Variants in RALYL observed in about 807,000 individuals in gnomAD.
The protein encoded by RALYL is RNA-binding Raly-like protein.
Under a neutral mutation model 35.1 loss-of-function variants are expected in RALYL, and 29 were observed. The ratio of observed to expected loss-of-function variants is 0.83; its 90% CI spans 0.61 to 1.13. The LOEUF is 1.13. Among genes scored for constraint, RALYL ranks in the 50% most tolerant of loss-of-function variants. The pLI is 0.00. For synonymous variants in RALYL, 120 were observed against 127.6 expected (o/e 0.94, Z 0.40); for missense variants, 359 against 360.4 (o/e 1.00, Z 0.03).
At chr8:84,318,320 A>G (rs1433694508) in intron 1 of RALYL, among the ~76,000 whole-genome samples, 1 of 152,196 alleles carries the variant, frequency 6.6e-6, no homozygotes, top group Non-Finnish European at 1.5e-5. Flanking sequence ...GAGGATCTAC[A>G]TCTTTAATAT....
intron 1 of RALYL, among the ~76,000 whole-genome samples, chr8:84,489,714 G>T (rs2055046513): frequency 6.6e-6 from 1 of 152,008 alleles, no homozygotes; most frequent in South Asian, 2.1e-4. Context: ...CAGTTGTCAG[G>T]CTGACTCTTG....
At chr8:84,353,886 T>C (rs936251445) in intron 1 of RALYL, among the ~76,000 whole-genome samples, 3 of 150,000 alleles carry the variant, frequency 2.0e-5, no homozygotes, top group Non-Finnish European at 4.4e-5. Flanking sequence ...AGCCATTATA[T>C]AACAAAAGGA....
chr8:84,856,524 T>G (rs1375193879), intron 5 of RALYL, among the ~76,000 whole-genome samples: 1 of 152,168 alleles, frequency 6.6e-6, no homozygotes, highest in African/African-American at 2.4e-5. Context: ...AGGAGAAAAC[T>G]TCACAGAAAA....
chr8:84,849,933 A>G, intron 4 of RALYL, 47 bp from the exon 5 acceptor site: 2 of 1,010,428 alleles, frequency 2.0e-6, no homozygotes, highest in South Asian at 3.6e-5. Flanking sequence ...AATAAAATTA[A>G]TGTCATTGAA....
At chr8:84,721,358 A>T (rs1843875468) in intron 2 of RALYL, among the ~76,000 whole-genome samples, 1 of 152,194 alleles carries the variant, frequency 6.6e-6, no homozygotes, top group Admixed American at 6.6e-5. Flanking sequence ...AGCACTGTTC[A>T]CAATGGCCCA....
At chr8:84,501,403 A>T (rs1587817793) in intron 1 of RALYL, among the ~76,000 whole-genome samples, 1 of 152,148 alleles carries the variant, frequency 6.6e-6, no homozygotes, top group South Asian at 2.1e-4. Context: ...ACACTTACAT[A>T]TGCACACAAT....
chr8:84,227,169 TCCTGCCTCAG>T, intron 1 of RALYL, among the ~76,000 whole-genome samples: 1 of 150,338 alleles, frequency 6.7e-6, no homozygotes, highest in South Asian at 2.1e-4. Context: ...CAAACGATTT[TCCTGCCTCAG>T]CCTCCTGAGT....
intron 2 of RALYL, among the ~76,000 whole-genome samples, chr8:84,602,030 CT>C (rs966474692): frequency 1.3e-5 from 2 of 152,054 alleles, no homozygotes; most frequent in African/African-American, 4.8e-5. Context: ...TTCTCACTGC[CT>C]TCAGCATTTG....
intron 1 of RALYL, among the ~76,000 whole-genome samples, chr8:84,195,069 A>G (rs991145292): frequency 3.9e-5 from 6 of 152,098 alleles, no homozygotes; most frequent in Admixed American, 6.6e-5. Context: ...CATGTTAAAA[A>G]CACACAATGC....
intron 8 of RALYL, among the ~76,000 whole-genome samples, chr8:84,908,733 C>A (rs73261925): frequency 0.049 from 7,392 of 152,116 alleles, 637 homozygotes; most frequent in African/African-American, 0.17. Flanking sequence ...ATATATTGGG[C>A]AGCCCTAGCA....
intron 2 of RALYL, among the ~76,000 whole-genome samples, chr8:84,561,952 C>G (rs543633909): frequency 6.6e-6 from 1 of 152,128 alleles, no homozygotes; most frequent in South Asian, 2.1e-4. Flanking sequence ...TCTAAGAACT[C>G]TTTTCAACCT....
At position 84,242,157 on chromosome 8, in the gene RALYL, C is replaced by G. The variant is rs2131578986; in HGVS notation, c.-24+57733C>G. Among the ~76,000 whole-genome samples the G allele has an allele frequency of 2.0e-5, 3 of 152,292 alleles. No individual in the cohort carries two copies. In the Middle Eastern group the frequency reaches 0.01, roughly 518 times the overall value. ...TGAAGATAATGGCTTCCAGTTCCAT[C>G]CATGTCCCTGCAACAGACACGGTCT... On this transcript the variant is annotated intron_variant, in intron 1 of 8. Coordinates refer to ENST00000521268, the MANE Select transcript of RALYL (RefSeq NM_173848.7).
At chr8:84,819,923 A>G (rs889952676) in intron 4 of RALYL, among the ~76,000 whole-genome samples, 1 of 152,200 alleles carries the variant, frequency 6.6e-6, no homozygotes, top group Admixed American at 6.5e-5. Context: ...CCAATATCAC[A>G]ATTCATATCA....
intron 1 of RALYL, among the ~76,000 whole-genome samples, chr8:84,506,857 A>T (rs1368064310): frequency 6.6e-6 from 1 of 152,038 alleles, no homozygotes; most frequent in African/African-American, 2.4e-5. Flanking sequence ...AATTTTCCAG[A>T]TAACAGATAT....
chr8:84,364,251 C>T (rs771720303), intron 1 of RALYL, among the ~76,000 whole-genome samples: 7 of 152,066 alleles, frequency 4.6e-5, no homozygotes, highest in Non-Finnish European at 7.4e-5. Context: ...ATAAATAGCT[C>T]GCTTTTCTTA....
intron 1 of RALYL, among the ~76,000 whole-genome samples, chr8:84,332,022 C>T (rs1342740718): frequency 6.6e-6 from 1 of 152,128 alleles, no homozygotes; most frequent in Non-Finnish European, 1.5e-5. Flanking sequence ...TTAACAACCC[C>T]ATCCTGCCAA....
intron 1 of RALYL, among the ~76,000 whole-genome samples, chr8:84,508,488 A>T (rs1193047748): frequency 1.3e-5 from 2 of 152,188 alleles, no homozygotes; most frequent in African/African-American, 2.4e-5. Flanking sequence ...TATTAGAATC[A>T]AGAAGATAAT....
chr8:84,583,954 A>AT (rs147341740), intron 2 of RALYL, among the ~76,000 whole-genome samples: 15,056 of 152,058 alleles, frequency 0.099, 1,041 homozygotes, highest in Non-Finnish European at 0.14. Context: ...ATATTTTTAA[A>AT]TTTTTTTATT....
intron 2 of RALYL, among the ~76,000 whole-genome samples, chr8:84,741,230 CCA>C (rs1807223315): frequency 6.6e-6 from 1 of 151,958 alleles, no homozygotes; most frequent in South Asian, 2.1e-4. Context: ...AAGATGATGA[CCA>C]CAGTGTTGGC....
Sources: allele counts gnomAD v4.1 joint callset (sites outside exome capture counted in the v4.1 genomes callset), GRCh38; gene constraint gnomAD v4.1.1; transcripts MANE v1.5; gene names NCBI Gene and HGNC (gene_info 2026-07-23, HGNC 2026-07-21).